The following ACOT6 variants were observed in gnomAD, a reference collection of about 807,000 sequenced individuals.
ACOT6 encodes acyl-CoA thioesterase 6.
In ACOT6, 14 loss-of-function variants were observed where a neutral mutation model predicts 12.3. The observed-to-expected ratio is 1.14, with a 90% CI of 0.75 to 1.78. The LOEUF is 1.78. ACOT6 is among the 40% of genes most tolerant of loss of function. The pLI, the probability that ACOT6 is intolerant of heterozygous loss-of-function variation, is 0.00. For missense variants in ACOT6, 523 were observed against 551.8 expected, an observed-to-expected ratio of 0.95 and a Z score of 0.52; for synonymous variants, 218 against 231.3, an observed-to-expected ratio of 0.94 and a Z score of 0.52.
intron 2 of ACOT6, 76 bp downstream of exon 2, chr14:73,617,268 A>G: frequency 6.4e-7 from 1 of 1,562,862 alleles, no homozygotes; most frequent in Non-Finnish European, 8.8e-7. Flanking sequence ...AAGCCCTGCC[A>G]GAACACTGAG....
chr14:73,612,788 G>T lies in ACOT6; in HGVS notation c.217G>T (p.Ala73Ser), dbSNP rs1159800654. ...ERAPALGGSF[A>S]GLQPMGLLWA... Reference sequence around the variant, plus strand: ...CGCGCCCGCGCTGGGAGGCAGCTTCGCGGGGCTCCAGCCCATGGGGCTGCT... The same window carrying T: ...CGCGCCCGCGCTGGGAGGCAGCTTCTCGGGGCTCCAGCCCATGGGGCTGCT... The change falls in exon 1 of 3, where the codon GCG becomes TCG. Residue 73 changes from alanine to serine, a missense_variant. Physicochemically the swap from Ala to Ser is moderately conservative, Grantham distance 99. This residue lies in a region of ACOT6 where 304 missense variants were observed against 274.8 expected (regional missense o/e 1.11). Transcript: ENST00000645972. 1 of 1,364,752 alleles carries T rather than the reference G, an allele frequency of 7.3e-7. No individual in the cohort carries two copies. The highest frequency in any genetic ancestry group is 1.5e-5 in the African/African-American group (1 of 65,132). The allele number at this position is 1,364,752 out of a possible 1,614,324, so 84.5% of individuals were successfully genotyped here.
Position 73,612,718 on chromosome 14 carries a change from C to A in ACOT6, c.147C>A (p.His49Gln). 7.3e-7 allele frequency: 1 copy of A among 1,376,960 alleles called. No homozygotes were observed. Among genetic ancestry groups the A allele is most frequent in the Non-Finnish European group, 9.3e-7 (1 of 1,071,760 alleles). 85.3% of individuals were successfully genotyped at this position (1,376,960 alleles called of 1,614,324 possible). A position where few individuals can be genotyped will look rare whatever the true frequency, so the allele number is the denominator to read the frequency against. The change falls in exon 1 of 3, where the codon CAC becomes CAA. Residue 49 changes from histidine (H) to glutamine (Q), a missense_variant. His to Gln is a conservative substitution (Grantham distance 24). Coordinates refer to ENST00000645972, the MANE Select transcript of ACOT6 (RefSeq NM_001365788.1). ...RDEEGALFRA[H>Q]ARYRADARDE... The stretch of plus-strand genomic sequence containing the variant: ...AAGAGGGCGCGCTCTTCCGGGCCCA[C>A]GCGCGCTACCGTGCCGACGCCCGCG...
intron 1 of ACOT6, among the ~76,000 whole-genome samples, chr14:73,614,671 C>T (rs568333848): frequency 6.6e-6 from 1 of 151,346 alleles, no homozygotes; most frequent in South Asian, 2.1e-4. Context: ...CGCTTGAACC[C>T]GGGAGGCTGA....
At chr14:73,615,033 G>A (rs1184165111) in intron 1 of ACOT6, among the ~76,000 whole-genome samples, 3 of 148,138 alleles carry the variant, frequency 2.0e-5, no homozygotes, top group Non-Finnish European at 3.0e-5. Context: ...AGGTTGCAGT[G>A]AGCCAAGATC....
chr14:73,614,502 G>A (rs1890500239), intron 1 of ACOT6, among the ~76,000 whole-genome samples: 1 of 151,988 alleles, frequency 6.6e-6, no homozygotes, highest in Non-Finnish European at 1.5e-5. Flanking sequence ...CACTTTGGGA[G>A]GCTGAGGTGG....
chr14:73,617,111 TGAAGACCTCCCC>T lies in ACOT6; in HGVS notation c.585_596del (p.Pro197_Leu200del), dbSNP rs1433288769. On this transcript the variant is annotated inframe_deletion, in exon 2 of 3. Transcript: ENST00000645972. ...TGCTTGCCCTGGCTTATTTCAGATT[TGAAGACCTCCCC>T]GAAGATCTGAATGATGTACATCTGG... The T allele has an allele frequency of 2.5e-6, 4 of 1,606,510 alleles. No individual in the cohort carries two copies. The Admixed American group carries it at 6.7e-5, about 27-fold the overall frequency.
intron 2 of ACOT6, 37 bp downstream of exon 2, chr14:73,617,229 G>A: frequency 1.2e-6 from 2 of 1,613,954 alleles, no homozygotes; most frequent in East Asian, 4.5e-5. Context: ...AGAAGAGAGG[G>A]GATAGAGCTG....
At chr14:73,611,925 G>A (rs1195236352), upstream of ACOT6, among the ~76,000 whole-genome samples, 2 of 152,058 alleles carry the variant, frequency 1.3e-5, no homozygotes, top group African/African-American at 4.8e-5. Context: ...AATCACCTGG[G>A]ATGCTTTTTC....
chr14:73,615,493 G>A (rs370005644), intron 1 of ACOT6, among the ~76,000 whole-genome samples: 1 of 151,506 alleles, frequency 6.6e-6, no homozygotes, highest in East Asian at 1.9e-4. Context: ...CACTTCGGGA[G>A]GCCAAGGTGG....
In ACOT6 at chr14:73,612,634, C is replaced by T. The variant is rs1005994081; in HGVS notation, c.63C>T (p.Ile21=). The change falls in exon 1 of 3, where the codon ATC becomes ATT. Residue 21 remains isoleucine, a synonymous_variant. Coordinates refer to ENST00000645972, the MANE Select transcript of ACOT6 (RefSeq NM_001365788.1). ...GCTGCTGGGACGAGCCGCTGCGCATCGCAGTGCGCGGCCTGGCCCCGGAGC... is the reference window on the plus strand; with the variant it reads ...GCTGCTGGGACGAGCCGCTGCGCATTGCAGTGCGCGGCCTGGCCCCGGAGC... ...GRCCWDEPLR[I]AVRGLAPEQP... The T allele has an allele frequency of 7.1e-7, 1 of 1,404,398 alleles. No homozygotes were observed. The highest frequency in any genetic ancestry group is 9.3e-7 in the Non-Finnish European group (1 of 1,077,828). 87.0% of individuals were successfully genotyped at this position (1,404,398 alleles called of 1,614,324 possible).
chr14:73,615,404 AAAACAAAAAAC>A lies in ACOT6; in HGVS notation c.462-1586_462-1576del, dbSNP rs1302463300. ...TCTGTCTGATAAAAAAAAAAAAAAA[AAAACAAAAAAC>A]AAAAAAAACCAGCAACAACGAAAAA... On this transcript the variant is annotated intron_variant, in intron 1 of 2. Transcript: ENST00000645972. 1.8e-4 allele frequency among the ~76,000 whole-genome samples: 14 copies of A among 79,394 alleles called. 3 individuals are homozygous for A. The highest frequency in any genetic ancestry group is 3.7e-4 in the Admixed American group (2 of 5,366). The allele number at this position is 79,394 out of a possible 152,430, so 52.1% of individuals were successfully genotyped here. A position where few individuals can be genotyped will look rare whatever the true frequency, so the allele number is the denominator to read the frequency against.
intron 1 of ACOT6, among the ~76,000 whole-genome samples, chr14:73,615,656 G>T (rs1487990140): frequency 2.6e-5 from 4 of 151,760 alleles, no homozygotes; most frequent in African/African-American, 9.7e-5. Flanking sequence ...CTTGAACCCG[G>T]GGGGAGACGG....
intron 2 of ACOT6, among the ~76,000 whole-genome samples, chr14:73,617,917 G>A (rs1259830088): frequency 2.7e-5 from 1 of 37,386 alleles, no homozygotes; most frequent in Non-Finnish European, 4.8e-5. Flanking sequence ...GGCCAAGGCG[G>A]GCAGATCACC....
chr14:73,616,944 G>A, intron 1 of ACOT6, 50 bp from the exon 2 acceptor site: 3 of 604,326 alleles, frequency 5.0e-6, no homozygotes, highest in South Asian at 4.1e-5. Flanking sequence ...TTTGCTTACT[G>A]TCTTTTGAGA....
Position 73,619,687 on chromosome 14 carries a change from G to A in ACOT6, c.1114G>A (p.Ala372Thr), listed in dbSNP as rs772148102. Reference sequence around the variant, plus strand: ...CCCACCTTATTTTCCTCCTTCTAGAGCTTCTGTGCACGCTGTTTTGGGTGA... The same window carrying A: ...CCCACCTTATTTTCCTCCTTCTAGAACTTCTGTGCACGCTGTTTTGGGTGA... ...IDPPYFPPSR[A>T]SVHAVLGEAI... The change falls in exon 3 of 3, where the codon GCT (alanine) becomes ACT (threonine). Residue 372 changes from alanine to threonine, a missense_variant. Coordinates refer to ENST00000645972, the MANE Select transcript of ACOT6 (RefSeq NM_001365788.1). 3 of 1,614,162 alleles carry A rather than the reference G, an allele frequency of 1.9e-6. No individual in the cohort carries two copies. The highest frequency in any genetic ancestry group is 2.5e-6 in the Non-Finnish European group (3 of 1,180,034).
chr14:73,617,272 C>T (rs1033803807), intron 2 of ACOT6, 80 bp downstream of exon 2: 1 of 1,566,420 alleles, frequency 6.4e-7, no homozygotes, highest in South Asian at 1.1e-5. Flanking sequence ...CCTGCCAGAA[C>T]ACTGAGAACT....
chr14:73,615,388 T>TAAAAAAAAA lies in ACOT6; in HGVS notation c.462-1595_462-1587dup, dbSNP rs1160138803. On this transcript the variant is annotated intron_variant, in intron 1 of 2. Transcript: ENST00000645972. ...GGCAACAGAGAGAGACTCTGTCTGA[T>TAAAAAAAAA]AAAAAAAAAAAAAAAAAAACAAAAA... Among the ~76,000 whole-genome samples the TAAAAAAAAA allele has an allele frequency of 5.6e-4, 35 of 63,000 alleles. 1 individual carries two copies. Among genetic ancestry groups the TAAAAAAAAA allele is most frequent in the African/African-American group, 2.0e-3 (20 of 9,970 alleles). 41.3% of individuals were successfully genotyped at this position (63,000 alleles called of 152,430 possible).
rs999412649 is a variant in ACOT6 at position 73,613,012 on chromosome 14, G to A, written c.441G>A (p.Ala147=). Residue 147 remains alanine, a synonymous_variant, in exon 1 of 3, where the codon GCG becomes GCA. Coordinates refer to ENST00000645972, the MANE Select transcript of ACOT6 (RefSeq NM_001365788.1). Reference sequence around the variant, plus strand: ...TGCGCGCGGGCCCGGTGCGCGCCGCGCTCTTCCTGCCGCCGGATGAGTAGT... The same window carrying A: ...TGCGCGCGGGCCCGGTGCGCGCCGCACTCTTCCTGCCGCCGGATGAGTAGT... ...EPVRAGPVRA[A]LFLPPDEGPF... 1 of 924,160 alleles carries A rather than the reference G, an allele frequency of 1.1e-6. No homozygotes were observed. The highest frequency in any genetic ancestry group is 1.5e-6 in the Non-Finnish European group (1 of 662,748). 57.2% of individuals were successfully genotyped at this position (924,160 alleles called of 1,614,324 possible).
Position 73,612,832 on chromosome 14 carries a change from G to C in ACOT6, c.261G>C (p.Glu87Asp). ...GGCTGCTGTGGGCGTTGGAGCCCGAGAAAGCCTTGGTGCGGCTGGTGAAGC... is the reference window on the plus strand; with the variant it reads ...GGCTGCTGTGGGCGTTGGAGCCCGACAAAGCCTTGGTGCGGCTGGTGAAGC... ...PMGLLWALEP[E>D]KALVRLVKRD... is the part of the protein sequence containing the mutation. Residue 87 changes from glutamate to aspartate, a missense_variant, in exon 1 of 3, where the codon GAG becomes GAC. Glu to Asp is a conservative substitution (Grantham distance 45). Transcript: ENST00000645972. The C allele has an allele frequency of 7.0e-7, 1 of 1,425,256 alleles. No homozygotes were observed. Among genetic ancestry groups the C allele is most frequent in the Non-Finnish European group, 9.3e-7 (1 of 1,072,560 alleles). The allele number at this position is 1,425,256 out of a possible 1,614,324, so 88.3% of individuals were successfully genotyped here.
Sources: allele counts gnomAD v4.1 joint callset (sites outside exome capture counted in the v4.1 genomes callset), GRCh38; gene constraint gnomAD v4.1.1; regional missense constraint gnomAD v4.1.1; transcripts MANE v1.5; gene names NCBI Gene and HGNC (gene_info 2026-07-23, HGNC 2026-07-21).